The following KIAA0040 variants were observed in gnomAD, a reference collection of about 807,000 sequenced individuals.
KIAA0040 encodes the protein uncharacterized protein KIAA0040.
Under a neutral mutation model 7.2 loss-of-function variants are expected in KIAA0040, and 10 were observed. The ratio of observed to expected loss-of-function variants is 1.38; its 90% CI spans 0.85 to 2.34. The LOEUF (loss-of-function observed/expected upper bound fraction) is 2.34, where lower values mean the gene tolerates loss of function less well. Among genes scored for constraint, KIAA0040 ranks in the 30% most tolerant of loss-of-function variants. The pLI is 0.00. For synonymous variants in KIAA0040, 49 were observed against 40.1 expected, an observed-to-expected ratio of 1.22 and a Z score of -0.84; for missense variants, 89 against 108.2, an observed-to-expected ratio of 0.82 and a Z score of 0.79.
At chr1:175,167,404 T>C (rs1676806808) in intron 2 of KIAA0040, among the ~76,000 whole-genome samples, 1 of 152,106 alleles carries the variant, frequency 6.6e-6, no homozygotes, top group African/African-American at 2.4e-5. Flanking sequence ...TTTTATTAGA[T>C]GAACAAATTA....
chr1:175,187,864 T>G (rs1042532214), intron 1 of KIAA0040, among the ~76,000 whole-genome samples: 2 of 152,150 alleles, frequency 1.3e-5, no homozygotes, highest in African/African-American at 4.8e-5. Flanking sequence ...TATTTTCCTC[T>G]CTTCTGCCAA....
At chr1:175,172,699 G>A (rs542752678) in intron 2 of KIAA0040, among the ~76,000 whole-genome samples, 29 of 152,302 alleles carry the variant, frequency 1.9e-4, no homozygotes, top group African/African-American at 7.0e-4. Flanking sequence ...TTTCTCAGAG[G>A]GCTAGGTGTT....
intron 2 of KIAA0040, among the ~76,000 whole-genome samples, chr1:175,173,603 T>C (rs1418839167): frequency 6.6e-6 from 1 of 152,240 alleles, no homozygotes; most frequent in Non-Finnish European, 1.5e-5. Flanking sequence ...CTCAGAATGC[T>C]GAGGACTTTA....
At chr1:175,176,024 T>A (rs902261235) in intron 2 of KIAA0040, among the ~76,000 whole-genome samples, 1 of 152,150 alleles carries the variant, frequency 6.6e-6, no homozygotes, top group Non-Finnish European at 1.5e-5. Flanking sequence ...TAAAGTATAA[T>A]AAAAAATAAA....
At chr1:175,161,305 A>G (rs1368469057) in intron 3 of KIAA0040, among the ~76,000 whole-genome samples, 159 bp from the exon 4 acceptor site, 1 of 152,256 alleles carries the variant, frequency 6.6e-6, no homozygotes, top group Non-Finnish European at 1.5e-5. Context: ...AAATGCATGC[A>G]TGTAATCAAT....
At position 175,177,655 on chromosome 1, in the gene KIAA0040, A is replaced by G. The variant is rs1010806744; in HGVS notation, c.-354T>C. ...AGGTCACTCAGCTGCTTTGAGTCTC[A>G]GTTTCTTCATCTCCAAAATGGGGAA... On this transcript the variant is annotated 5_prime_UTR_variant, in exon 2 of 4. Transcript: ENST00000423313. 2.6e-5 allele frequency: 4 copies of G among 152,248 alleles called. No homozygotes were observed. The highest frequency in any genetic ancestry group is 5.9e-5 in the Non-Finnish European group (4 of 68,046). The allele number at this position is 152,248 out of a possible 1,614,324, so 9.4% of individuals were successfully genotyped here.
intron 1 of KIAA0040, among the ~76,000 whole-genome samples, chr1:175,189,531 G>C (rs1426876399): frequency 6.6e-6 from 1 of 152,208 alleles, no homozygotes; most frequent in Non-Finnish European, 1.5e-5. Context: ...GAGGACAAAA[G>C]AGGCCAGAGT....
In KIAA0040 at chr1:175,158,390, A is replaced by C. The variant is rs1676379730; in HGVS notation, c.*2324T>G. On this transcript the variant is annotated 3_prime_UTR_variant, in exon 4 of 4. Transcript: ENST00000423313. ...GGCAATGACAACTGACTGCTGTCTT[A>C]ATTCAAAGGAGCAAGCAGTTGCCAT... is the stretch of plus-strand genomic sequence containing the variant. 6.6e-6 allele frequency: 1 copy of C among 152,182 alleles called. No individual in the cohort carries two copies. Among genetic ancestry groups the C allele is most frequent in the Admixed American group, 6.5e-5 (1 of 15,282 alleles). The allele number at this position is 152,182 out of a possible 1,614,324, so 9.4% of individuals were successfully genotyped here.
At chr1:175,178,148 G>A (rs1179567841) in intron 1 of KIAA0040, among the ~76,000 whole-genome samples, 1 of 152,190 alleles carries the variant, frequency 6.6e-6, no homozygotes, top group African/African-American at 2.4e-5. Flanking sequence ...TTGTGTAGTG[G>A]AGCTGAGGCT....
At chr1:175,166,126 G>A (rs921953146) in intron 3 of KIAA0040, among the ~76,000 whole-genome samples, 4 of 152,114 alleles carry the variant, frequency 2.6e-5, no homozygotes, top group African/African-American at 9.7e-5. Context: ...CCTCTTCTGC[G>A]ACTGCTGACT....
At chr1:175,174,788 G>A (rs922492306) in intron 2 of KIAA0040, among the ~76,000 whole-genome samples, 7 of 132,800 alleles carry the variant, frequency 5.3e-5, no homozygotes, top group South Asian at 2.6e-4. Flanking sequence ...ACTTCTATTC[G>A]TCATCTGTAT....
At chr1:175,162,366 G>A (rs1167045858) in intron 3 of KIAA0040, among the ~76,000 whole-genome samples, 1 of 152,046 alleles carries the variant, frequency 6.6e-6, no homozygotes, top group Non-Finnish European at 1.5e-5. Context: ...GAGGTGACAT[G>A]TCTGAGGCCA....
At chr1:175,178,550 A>C (rs1313967095) in intron 1 of KIAA0040, among the ~76,000 whole-genome samples, 4 of 152,236 alleles carry the variant, frequency 2.6e-5, no homozygotes, top group Non-Finnish European at 5.9e-5. Flanking sequence ...TCATGTCAAG[A>C]AGCATTAGTT....
At chr1:175,189,346 A>G (rs1677782147) in intron 1 of KIAA0040, among the ~76,000 whole-genome samples, 2 of 152,180 alleles carry the variant, frequency 1.3e-5, no homozygotes, top group Non-Finnish European at 2.9e-5. Context: ...TGAGAATTAG[A>G]AAAAAGCATC....
At chr1:175,188,193 C>T (rs558108622) in intron 1 of KIAA0040, among the ~76,000 whole-genome samples, 5 of 152,200 alleles carry the variant, frequency 3.3e-5, no homozygotes, top group Non-Finnish European at 5.9e-5. Context: ...GTTTGGATGC[C>T]GCCATGTCCC....
chr1:175,162,499 T>C (rs555699669), intron 3 of KIAA0040, among the ~76,000 whole-genome samples: 66 of 152,310 alleles, frequency 4.3e-4, no homozygotes, highest in African/African-American at 1.5e-3. Flanking sequence ...GATGTCACTT[T>C]ATACTTGCAT....
chr1:175,185,822 T>C (rs892055524), intron 1 of KIAA0040, among the ~76,000 whole-genome samples: 5 of 152,208 alleles, frequency 3.3e-5, no homozygotes, highest in Admixed American at 2.6e-4. Flanking sequence ...TAAACTCTTA[T>C]GGTATATGCA....
rs544965427 is a variant in KIAA0040, at chr1:175,157,471, A to G, written c.*3243T>C. 6.6e-6 allele frequency: 1 copy of G among 152,330 alleles called. No individual in the cohort carries two copies. The highest frequency in any genetic ancestry group is 1.9e-4 in the East Asian group (1 of 5,188). 9.4% of individuals were successfully genotyped at this position (152,330 alleles called of 1,614,324 possible). A position where few individuals can be genotyped will look rare whatever the true frequency, so the allele number is the denominator to read the frequency against. ...AGAGTCCCTGCATTGATCATTTCTG[A>G]GTGATGTCTGAGTGGGGGTAATACC... is the stretch of plus-strand genomic sequence containing the variant. On this transcript the variant is annotated 3_prime_UTR_variant, in exon 4 of 4. Transcript: ENST00000423313.
chr1:175,179,866 C>T (rs1196336692), intron 1 of KIAA0040, among the ~76,000 whole-genome samples: 1 of 152,192 alleles, frequency 6.6e-6, no homozygotes, highest in Non-Finnish European at 1.5e-5. Context: ...CAATGGCACA[C>T]AGGGCTCTAG....
Sources: allele counts gnomAD v4.1 joint callset (sites outside exome capture counted in the v4.1 genomes callset), GRCh38; gene constraint gnomAD v4.1.1; transcripts MANE v1.5; gene names NCBI Gene and HGNC (gene_info 2026-07-23, HGNC 2026-07-21).